KIZ: variants seen among roughly 807,000 people sequenced by gnomAD.
The protein encoded by KIZ is centrosomal protein kizuna.
In KIZ, 68 loss-of-function variants were observed where a neutral mutation model predicts 79.6. The ratio of observed to expected loss-of-function variants is 0.85; its 90% CI spans 0.70 to 1.05. The LOEUF (loss-of-function observed/expected upper bound fraction) is 1.05, where lower values mean the gene tolerates loss of function less well. Ranked by LOEUF, KIZ falls within the 50% of genes least tolerant of loss-of-function variation. The pLI is 0.00. For missense variants in KIZ, 797 were observed against 800.4 expected (o/e 1.00, Z 0.05); for synonymous variants, 280 against 281.8 (o/e 0.99, Z 0.06).
At chr20:21,219,346 C>T (rs1338042799) in intron 9 of KIZ, among the ~76,000 whole-genome samples, 1 of 151,724 alleles carries the variant, frequency 6.6e-6, no homozygotes, top group Non-Finnish European at 1.5e-5. Context: ...GGGTCAGGGT[C>T]TTGCTCTGTC....
rs1384735266 is a variant in KIZ at position 21,181,112 on chromosome 20, G to A, written c.1352+17953G>A. Among the ~76,000 whole-genome samples, 12 of 152,344 alleles carry A rather than the reference G, an allele frequency of 7.9e-5. No individual in the cohort carries two copies. The South Asian group carries it at 1.2e-3, about 16-fold the overall frequency. The stretch of plus-strand genomic sequence containing the variant: ...TTTGAGGGCTGCAGTATGAACAGAG[G>A]CCTGGAGATAAGCAAGCATGGCCCG... On this transcript the variant is annotated intron_variant, in intron 6 of 12. Coordinates refer to ENST00000619189, the MANE Select transcript of KIZ (RefSeq NM_018474.6).
chr20:21,217,271 G>A (rs76711909), intron 9 of KIZ, among the ~76,000 whole-genome samples: 2,316 of 152,266 alleles, frequency 0.015, 50 homozygotes, highest in African/African-American at 0.053. Context: ...CACGCACCTT[G>A]GCACTACTAA....
intron 3 of KIZ, among the ~76,000 whole-genome samples, chr20:21,143,333 G>A (rs1300533497): frequency 6.6e-6 from 1 of 152,160 alleles, no homozygotes; most frequent in Non-Finnish European, 1.5e-5. Flanking sequence ...AATGAAAAAG[G>A]AAATCTGTAG....
intron 6 of KIZ, among the ~76,000 whole-genome samples, chr20:21,176,328 A>G (rs772151926): frequency 6.6e-6 from 1 of 152,046 alleles, no homozygotes; most frequent in Non-Finnish European, 1.5e-5. Flanking sequence ...CAATCAATCA[A>G]TCAATCAATC....
intron 6 of KIZ, 21 bp from the exon 7 acceptor site, chr20:21,205,470 T>C (rs2035780643): frequency 1.0e-6 from 1 of 994,916 alleles, no homozygotes; most frequent in Non-Finnish European, 1.5e-6. Context: ...CTATAGTGAG[T>C]GTCCTGTTTC....
intron 4 of KIZ, among the ~76,000 whole-genome samples, chr20:21,147,884 G>A (rs1415245000): frequency 6.6e-6 from 1 of 151,860 alleles, no homozygotes; most frequent in African/African-American, 2.4e-5. Context: ...TAGAAAATGA[G>A]CTTGGAAAGC....
At chr20:21,201,052 G>A (rs1261744838) in intron 6 of KIZ, among the ~76,000 whole-genome samples, 9 of 151,994 alleles carry the variant, frequency 5.9e-5, no homozygotes, top group Non-Finnish European at 1.2e-4. Flanking sequence ...GTGTGGTGGC[G>A]CACACCTATA....
chr20:21,239,747 A>G (rs1273009175), intron 11 of KIZ, among the ~76,000 whole-genome samples: 3 of 152,150 alleles, frequency 2.0e-5, no homozygotes, highest in Non-Finnish European at 4.4e-5. Flanking sequence ...TCCTGACTCC[A>G]CGTATAGAGT....
chr20:21,239,096 G>A (rs1250873692), intron 11 of KIZ, among the ~76,000 whole-genome samples: 2 of 152,212 alleles, frequency 1.3e-5, no homozygotes, highest in African/African-American at 4.8e-5. Flanking sequence ...CTGTCTGCAG[G>A]CTGTCACACA....
intron 3 of KIZ, among the ~76,000 whole-genome samples, chr20:21,139,495 C>A (rs2032395103): frequency 6.6e-6 from 1 of 152,072 alleles, no homozygotes. Context: ...TTGTAAACCA[C>A]TTTTCAAAGA....
intron 6 of KIZ, among the ~76,000 whole-genome samples, chr20:21,164,233 C>A (rs1010375587): frequency 2.0e-5 from 3 of 152,178 alleles, no homozygotes. Flanking sequence ...TGCCTCTTAC[C>A]ATTCATTGTC....
intron 1 of KIZ, among the ~76,000 whole-genome samples, chr20:21,128,632 G>A (rs890481531): frequency 1.3e-5 from 2 of 152,182 alleles, no homozygotes; most frequent in South Asian, 2.1e-4. Context: ...TTTCTGCATT[G>A]TGGTGAAAGT....
chr20:21,126,016 C>T (rs1241462610), upstream of KIZ: 19 of 1,335,258 alleles, frequency 1.4e-5, no homozygotes, highest in Non-Finnish European at 1.7e-5. Flanking sequence ...GGCGGCCCGG[C>T]GCGGTGTTTA....
In KIZ at chr20:21,215,640, C is replaced by A. The variant is rs753317987; in HGVS notation, c.1670C>A (p.Pro557Gln). 9.4e-6 allele frequency: 15 copies of A among 1,598,740 alleles called. No individual in the cohort carries two copies. Among genetic ancestry groups the A allele is most frequent in the Admixed American group, 1.7e-5 (1 of 59,628 alleles). The change falls in exon 9 of 13, where the codon CCA becomes CAA. Residue 557 changes from proline to glutamine, a missense_variant. Coordinates refer to ENST00000619189, the MANE Select transcript of KIZ (RefSeq NM_018474.6). ...AAAGAAAATGTGGCTGCAGATATCCCAATCACAGGTAAAGCTATGGTTGCC... is the reference window on the plus strand; with the variant it reads ...AAAGAAAATGTGGCTGCAGATATCCAAATCACAGGTAAAGCTATGGTTGCC... The part of the protein sequence containing the change: ...SKKENVAADI[P>Q]ITETEAYQLL...
At chr20:21,236,339 G>A (rs1569003502) in intron 11 of KIZ, among the ~76,000 whole-genome samples, 1 of 152,062 alleles carries the variant, frequency 6.6e-6, no homozygotes, top group Non-Finnish European at 1.5e-5. Context: ...ATTATTTTTT[G>A]CCTTCTGTTT....
At chr20:21,188,870 T>TTG (rs959140741) in intron 6 of KIZ, among the ~76,000 whole-genome samples, 6 of 151,610 alleles carry the variant, frequency 4.0e-5, no homozygotes, top group Admixed American at 6.6e-5. Context: ...CAGCTAATTT[T>TTG]TGTGTGTGTG....
At chr20:21,141,910 A>G (rs965199449) in intron 3 of KIZ, among the ~76,000 whole-genome samples, 4 of 143,850 alleles carry the variant, frequency 2.8e-5, no homozygotes, top group African/African-American at 1.0e-4. Context: ...ATCTCTCCCT[A>G]ATTTCCCCCC....
intron 6 of KIZ, among the ~76,000 whole-genome samples, chr20:21,172,521 C>T (rs2034254769): frequency 6.6e-6 from 1 of 152,072 alleles, no homozygotes. Context: ...ATCACTTAAA[C>T]CCAGGAGGTT....
At position 21,229,060 on chromosome 20, in the gene KIZ, A is replaced by G; in HGVS notation, c.1728A>G (p.Thr576=). Residue 576 remains threonine (T), a synonymous_variant, in exon 10 of 13, where the codon ACA becomes ACG. Transcript: ENST00000619189. ...LLKKATLQDN[T]NQTENRFQKT... Reference sequence around the variant, plus strand: ...AGAAGGCCACCCTTCAGGATAATACAAATCAAACTGAAAACAGGTTTCAAA... The same window carrying G: ...AGAAGGCCACCCTTCAGGATAATACGAATCAAACTGAAAACAGGTTTCAAA... The G allele has an allele frequency of 6.2e-7, 1 of 1,612,832 alleles. No homozygotes were observed. The highest frequency in any genetic ancestry group is 8.5e-7 in the Non-Finnish European group (1 of 1,179,168).
Sources: allele counts gnomAD v4.1 joint callset (sites outside exome capture counted in the v4.1 genomes callset), GRCh38; gene constraint gnomAD v4.1.1; transcripts MANE v1.5; gene names NCBI Gene and HGNC (gene_info 2026-07-23, HGNC 2026-07-21).